SPIRE1: variants seen among roughly 807,000 people sequenced by gnomAD.
The protein encoded by SPIRE1 is spire type actin nucleation factor 1.
SPIRE1 carries 40 observed loss-of-function variants against 94.1 expected under a neutral mutation model. The ratio of observed to expected loss-of-function variants is 0.43; its 90% CI spans 0.33 to 0.55. SPIRE1 has a LOEUF of 0.55. Ranked by LOEUF, SPIRE1 falls within the 20% of genes least tolerant of loss-of-function variation. SPIRE1 has a pLI of 0.06. For missense variants in SPIRE1, 838 were observed against 975.2 expected, an observed-to-expected ratio of 0.86 and a Z score of 1.87; for synonymous variants, 376 against 371.7, an observed-to-expected ratio of 1.01 and a Z score of -0.13.
intron 2 of SPIRE1, among the ~76,000 whole-genome samples, chr18:12,620,997 G>A (rs1052906220): frequency 6.6e-6 from 1 of 152,230 alleles, no homozygotes; most frequent in African/African-American, 2.4e-5. Flanking sequence ...CAAGGCTGCA[G>A]TGAGCTGTGA....
chr18:12,564,360 C>CTATG (rs1395666422), intron 2 of SPIRE1, among the ~76,000 whole-genome samples: 1 of 152,106 alleles, frequency 6.6e-6, no homozygotes, highest in African/African-American at 2.4e-5. Flanking sequence ...ACTTCCCTAA[C>CTATG]TATGAGTCAA....
intron 1 of SPIRE1, 105 bp downstream of exon 1, chr18:12,657,425 A>T: frequency 1.0e-6 from 1 of 955,290 alleles, no homozygotes; most frequent in Non-Finnish European, 1.3e-6. Context: ...CCGTGGCAAA[A>T]TGGGGGGGGA....
At chr18:12,477,943 G>C (rs955792229) in intron 10 of SPIRE1, among the ~76,000 whole-genome samples, 5 of 152,060 alleles carry the variant, frequency 3.3e-5, no homozygotes, top group African/African-American at 1.2e-4. Context: ...GGAGCCTTCC[G>C]AAGGTTTTAA....
At chr18:12,577,599 A>C (rs1364437267) in intron 2 of SPIRE1, among the ~76,000 whole-genome samples, 1 of 152,236 alleles carries the variant, frequency 6.6e-6, no homozygotes, top group Non-Finnish European at 1.5e-5. Flanking sequence ...TTAGGTAGAC[A>C]AATATTTCTT....
intron 2 of SPIRE1, among the ~76,000 whole-genome samples, chr18:12,560,807 C>T (rs779517982): frequency 2.0e-4 from 30 of 152,124 alleles, no homozygotes; most frequent in Non-Finnish European, 3.4e-4. Context: ...GAGCCAAGAT[C>T]GCCCCACTGC....
At chr18:12,643,426 T>C (rs1336375284) in intron 1 of SPIRE1, among the ~76,000 whole-genome samples, 2 of 152,252 alleles carry the variant, frequency 1.3e-5, no homozygotes, top group Non-Finnish European at 1.5e-5. Context: ...TCCCTATCAA[T>C]TGAAGAGTTC....
intron 1 of SPIRE1, among the ~76,000 whole-genome samples, chr18:12,650,099 C>T (rs1418216554): frequency 6.6e-6 from 1 of 152,034 alleles, no homozygotes; most frequent in Non-Finnish European, 1.5e-5. Context: ...ATTAGCCAGG[C>T]GCAGCGGCAT....
chr18:12,563,316 T>G (rs1598475717), intron 2 of SPIRE1, among the ~76,000 whole-genome samples: 1 of 151,722 alleles, frequency 6.6e-6, no homozygotes, highest in East Asian at 1.9e-4. Context: ...AACTATTATA[T>G]TAGTCTTTTT....
chr18:12,555,919 A>C (rs1332108373), intron 2 of SPIRE1, among the ~76,000 whole-genome samples: 1 of 152,148 alleles, frequency 6.6e-6, no homozygotes, highest in East Asian at 1.9e-4. Flanking sequence ...ATTTGGAAAA[A>C]CCTAAATCTG....
Position 12,506,400 on chromosome 18 carries a change from C to T in SPIRE1, c.972+77G>A. On this transcript the variant is annotated intron_variant, in intron 6 of 16. Transcript: ENST00000409402. ...TCTTGAACTCCTGACCTCAGATGATCCACCTGCCTCGACCTCCCAAAGTGC... is the reference window on the plus strand; with the variant it reads ...TCTTGAACTCCTGACCTCAGATGATTCACCTGCCTCGACCTCCCAAAGTGC... 3 of 1,279,684 alleles carry T rather than the reference C, an allele frequency of 2.3e-6. No homozygotes were observed. The South Asian group carries it at 3.8e-5, about 16-fold the overall frequency. The allele number at this position is 1,279,684 out of a possible 1,614,324, so 79.3% of individuals were successfully genotyped here.
At chr18:12,637,756 G>A (rs1444282606) in intron 1 of SPIRE1, among the ~76,000 whole-genome samples, 1 of 152,214 alleles carries the variant, frequency 6.6e-6, no homozygotes, top group Admixed American at 6.5e-5. Context: ...TGATTTCAGG[G>A]CTGGGACAGG....
intron 12 of SPIRE1, among the ~76,000 whole-genome samples, chr18:12,462,781 G>T (rs2031918351): frequency 6.6e-6 from 1 of 151,672 alleles, no homozygotes; most frequent in African/African-American, 2.4e-5. Flanking sequence ...TGGATTAATA[G>T]CCTTTGAAAG....
intron 2 of SPIRE1, among the ~76,000 whole-genome samples, chr18:12,617,407 T>C (rs191452226): frequency 5.9e-5 from 9 of 151,658 alleles, no homozygotes; most frequent in African/African-American, 2.2e-4. Context: ...TTTTAGTTGT[T>C]TTTTGTTTGT....
intron 2 of SPIRE1, among the ~76,000 whole-genome samples, chr18:12,593,942 C>T (rs532827249): frequency 2.2e-5 from 3 of 136,988 alleles, no homozygotes; most frequent in Non-Finnish European, 4.8e-5. Context: ...AAGAGAGAAA[C>T]GCTGTCTCAA....
At chr18:12,535,388 A>T (rs2034804970) in intron 4 of SPIRE1, 88 bp downstream of exon 4, 2 of 1,362,054 alleles carry the variant, frequency 1.5e-6, no homozygotes, top group Non-Finnish European at 2.0e-6. Context: ...ACAGCGGACA[A>T]TATTGAAAAT....
At chr18:12,516,343 C>G (rs2144062125) in intron 4 of SPIRE1, 1 of 152,246 alleles carries the variant, frequency 6.6e-6, no homozygotes, top group African/African-American at 2.4e-5. Context: ...GTATATGACT[C>G]CAAATCTTCC....
intron 2 of SPIRE1, among the ~76,000 whole-genome samples, chr18:12,614,721 G>A (rs959241126): frequency 6.6e-6 from 1 of 152,168 alleles, no homozygotes; most frequent in Admixed American, 6.6e-5. Context: ...GGGAGGCTGA[G>A]GCAGGAGAAT....
At chr18:12,453,938 C>A (rs1420979864) in intron 13 of SPIRE1, among the ~76,000 whole-genome samples, 1 of 151,996 alleles carries the variant, frequency 6.6e-6, no homozygotes, top group African/African-American at 2.4e-5. Context: ...GCACGCACCA[C>A]CATGCCCAGC....
intron 8 of SPIRE1, among the ~76,000 whole-genome samples, chr18:12,491,743 G>A (rs769811667): frequency 5.3e-5 from 8 of 152,194 alleles, no homozygotes; most frequent in Non-Finnish European, 1.2e-4. Context: ...TCACACAACA[G>A]AAGGGTCAGG....
Sources: gnomAD v4.1 joint callset for allele counts (sites outside exome capture counted in the v4.1 genomes callset) on GRCh38, gnomAD v4.1.1 for gene constraint, MANE v1.5 for transcripts, NCBI Gene and HGNC (gene_info 2026-07-23, HGNC 2026-07-21) for gene names.